PID1: variants seen among roughly 807,000 people sequenced by gnomAD.
PID1 encodes the protein PTB-containing, cubilin and LRP1-interacting protein.
In PID1, 10 loss-of-function variants were observed where a neutral mutation model predicts 19.1. That is an observed-to-expected ratio of 0.52 (90% CI 0.32 to 0.89). PID1 has a LOEUF of 0.89. PID1 is among the 40% of genes least tolerant of loss of function. The pLI is 0.03. For missense variants in PID1, 248 were observed against 285.3 expected, an observed-to-expected ratio of 0.87 and a Z score of 0.94; for synonymous variants, 130 against 116.0, an observed-to-expected ratio of 1.12 and a Z score of -0.78.
At chr2:229,076,788 C>A (rs536963400) in intron 2 of PID1, among the ~76,000 whole-genome samples, 1 of 152,250 alleles carries the variant, frequency 6.6e-6, no homozygotes, top group African/African-American at 2.4e-5. Context: ...CTTTATCCAG[C>A]CTAACATTGA....
chr2:229,136,784 T>A (rs1489633186), intron 2 of PID1, among the ~76,000 whole-genome samples: 1 of 152,162 alleles, frequency 6.6e-6, no homozygotes, highest in East Asian at 1.9e-4. Context: ...AATCTTCTCT[T>A]GAAATTCTCT....
At chr2:229,139,115 GAGAAAGAAAGAA>G (rs796148800) in intron 2 of PID1, among the ~76,000 whole-genome samples, 2 of 48,056 alleles carry the variant, frequency 4.2e-5, no homozygotes, top group Admixed American at 2.0e-4. Flanking sequence ...AAGAAAGAAA[GAGAAAGAAAGAA>G]AGAAAGAAAG....
intron 1 of PID1, among the ~76,000 whole-genome samples, chr2:229,200,631 A>T (rs1691479715): frequency 6.6e-6 from 1 of 151,960 alleles, no homozygotes. Context: ...CTGTCTACCC[A>T]GCACCTCCAT....
chr2:229,078,838 T>G (rs1458362201), intron 2 of PID1, among the ~76,000 whole-genome samples: 3 of 152,204 alleles, frequency 2.0e-5, no homozygotes, highest in Admixed American at 2.0e-4. Flanking sequence ...TGAATCCTGC[T>G]TTTTCTTCCA....
At chr2:229,091,200 TAAG>T (rs1207640357) in intron 2 of PID1, among the ~76,000 whole-genome samples, 1 of 152,020 alleles carries the variant, frequency 6.6e-6, no homozygotes, top group Non-Finnish European at 1.5e-5. Flanking sequence ...CTGTAGAAAA[TAAG>T]AATTAAATTA....
intron 1 of PID1, among the ~76,000 whole-genome samples, chr2:229,204,182 C>G (rs1691556602): frequency 6.6e-6 from 1 of 152,040 alleles, no homozygotes; most frequent in Admixed American, 6.6e-5. Flanking sequence ...GTCTATTTAT[C>G]TGTTGTTTAT....
chr2:229,073,786 G>T (rs1203261856), intron 2 of PID1, among the ~76,000 whole-genome samples: 1 of 152,218 alleles, frequency 6.6e-6, no homozygotes, highest in Non-Finnish European at 1.5e-5. Flanking sequence ...CAATTATGAA[G>T]AAAGCCGGGG....
intron 1 of PID1, among the ~76,000 whole-genome samples, chr2:229,231,151 G>C (rs189901231): frequency 2.0e-5 from 3 of 152,160 alleles, no homozygotes; most frequent in Admixed American, 1.3e-4. Context: ...GCCCGCCTCT[G>C]TCCACCTGGA....
At chr2:229,056,843 T>C (rs1694112807) in intron 2 of PID1, among the ~76,000 whole-genome samples, 1 of 152,110 alleles carries the variant, frequency 6.6e-6, no homozygotes, top group Non-Finnish European at 1.5e-5. Context: ...TAGAGATTCA[T>C]ATTTCCTGAT....
intron 2 of PID1, among the ~76,000 whole-genome samples, chr2:229,077,463 C>A (rs936355243): frequency 6.6e-6 from 1 of 152,116 alleles, no homozygotes; most frequent in Non-Finnish European, 1.5e-5. Flanking sequence ...TTTGCCCAGG[C>A]CTATGTCCTA....
At chr2:229,189,390 A>T (rs1691208320) in intron 1 of PID1, among the ~76,000 whole-genome samples, 1 of 152,188 alleles carries the variant, frequency 6.6e-6, no homozygotes, top group Non-Finnish European at 1.5e-5. Context: ...GAGCCCAAAG[A>T]GAAATAAGAA....
rs112221892 is a variant in PID1, at chr2:229,163,672, T to C, written c.31-7708A>G. Among the ~76,000 whole-genome samples the C allele has an allele frequency of 4.4e-3, 115 of 25,946 alleles. 2 individuals are homozygous for C. The highest frequency in any genetic ancestry group is 0.056 in the Middle Eastern group (2 of 36). 17.0% of individuals were successfully genotyped at this position (25,946 alleles called of 152,430 possible). On this transcript the variant is annotated intron_variant, in intron 1 of 2. Transcript: ENST00000392055. ...GAGAGTGTGTGTGTGTGTGTGTGTG[T>C]GTGCGTGTGCGTGTGTGTGTGTGTA...
intron 1 of PID1, among the ~76,000 whole-genome samples, chr2:229,209,966 A>G (rs984315219): frequency 2.0e-5 from 3 of 152,202 alleles, no homozygotes; most frequent in Admixed American, 2.0e-4. Flanking sequence ...AAATGAACAT[A>G]CATGTTGAAA....
chr2:229,078,121 C>A (rs1694598707), intron 2 of PID1, among the ~76,000 whole-genome samples: 1 of 152,114 alleles, frequency 6.6e-6, no homozygotes, highest in African/African-American at 2.4e-5. Context: ...CTTCACATCC[C>A]TTGTAAGTTG....
chr2:229,207,196 G>T (rs532606304), intron 1 of PID1, among the ~76,000 whole-genome samples: 58 of 152,178 alleles, frequency 3.8e-4, no homozygotes, highest in African/African-American at 1.2e-3. Context: ...GTAAGAACGA[G>T]AATGCAAAAA....
chr2:229,208,344 T>A (rs1190838240), intron 1 of PID1, among the ~76,000 whole-genome samples: 2 of 152,262 alleles, frequency 1.3e-5, no homozygotes, highest in African/African-American at 4.8e-5. Flanking sequence ...TTATCTTGCA[T>A]CTTTTACCAC....
intron 2 of PID1, among the ~76,000 whole-genome samples, chr2:229,128,965 T>C (rs549884973): frequency 6.6e-6 from 1 of 152,298 alleles, no homozygotes; most frequent in Non-Finnish European, 1.5e-5. Context: ...TGTACTTATT[T>C]CACATTGCAT....
chr2:229,127,548 T>A (rs766453527), intron 2 of PID1, among the ~76,000 whole-genome samples: 1 of 152,142 alleles, frequency 6.6e-6, no homozygotes, highest in Non-Finnish European at 1.5e-5. Context: ...GGGTGCTTTT[T>A]CTCTAGACCA....
intron 1 of PID1, among the ~76,000 whole-genome samples, chr2:229,208,492 G>T (rs758553501): frequency 6.6e-5 from 10 of 152,144 alleles, no homozygotes; most frequent in East Asian, 1.9e-4. Context: ...ACAGAATAGG[G>T]ATTATGAAAC....
Sources: gnomAD v4.1 joint callset for allele counts (sites outside exome capture counted in the v4.1 genomes callset) on GRCh38, gnomAD v4.1.1 for gene constraint, MANE v1.5 for transcripts, NCBI Gene and HGNC (gene_info 2026-07-23, HGNC 2026-07-21) for gene names.